The following DNAH11 variants were observed in gnomAD, a reference collection of about 807,000 sequenced individuals.
DNAH11 encodes dynein axonemal heavy chain 11, also known as axonemal beta dynein heavy chain 11.
DNAH11 carries 442 observed loss-of-function variants against 526.0 expected under a neutral mutation model. The ratio of observed to expected loss-of-function variants is 0.84; its 90% confidence interval spans 0.78 to 0.91. The LOEUF is 0.91. Among genes scored for constraint, DNAH11 ranks in the 40% least tolerant of loss-of-function variants. The pLI is 0.00. For missense variants in DNAH11, 6,989 were observed against 5,448.7 expected, an observed-to-expected ratio of 1.28 and a Z score of -8.90; for synonymous variants, 2,461 against 1,935.9, an observed-to-expected ratio of 1.27 and a Z score of -7.12.
chr7:21,862,883 T>C (rs754704970), intron 69 of DNAH11, among the ~76,000 whole-genome samples: 5 of 151,806 alleles, frequency 3.3e-5, no homozygotes, highest in Admixed American at 2.6e-4. Flanking sequence ...GCTAACACAG[T>C]GAAACCCCGG....
rs759954017 is a variant in DNAH11, at chr7:21,683,774, A to C, written c.5461-10A>C. The stretch of plus-strand genomic sequence containing the variant: ...GTGTCCTGCGTATGATGATTATGCA[A>C]TGCCTTTAGGTTGTCAGTCCCCAAG... On this transcript the variant is annotated splice_polypyrimidine_tract_variant and intron_variant, in intron 31 of 81. Transcript: ENST00000409508. The C allele has an allele frequency of 6.3e-7, 1 of 1,584,458 alleles. No individual in the cohort carries two copies. The highest frequency in any genetic ancestry group is 8.6e-7 in the Non-Finnish European group (1 of 1,164,534).
At chr7:21,771,577 G>C (rs1209595214) in intron 55 of DNAH11, among the ~76,000 whole-genome samples, 1 of 152,188 alleles carries the variant, frequency 6.6e-6, no homozygotes. Flanking sequence ...TTATGCGTTG[G>C]AGACAGCATC....
At chr7:21,879,476 A>C (rs543803754) in intron 74 of DNAH11, among the ~76,000 whole-genome samples, 3 of 151,912 alleles carry the variant, frequency 2.0e-5, no homozygotes, top group South Asian at 4.2e-4. Flanking sequence ...CAAAAAAAAA[A>C]CCTCACAGGT....
At chr7:21,675,839 G>C (rs926889785) in intron 30 of DNAH11, among the ~76,000 whole-genome samples, 5 of 152,156 alleles carry the variant, frequency 3.3e-5, no homozygotes, top group African/African-American at 1.2e-4. Flanking sequence ...ATACTCATAA[G>C]TTCCATAAAG....
rs1784667521 is a variant in DNAH11 at position 21,591,232 on chromosome 7, A to G, written c.2322A>G (p.Lys774=). Residue 774 remains lysine (K), a synonymous_variant, in exon 14 of 82, where the codon AAA becomes AAG. Transcript: ENST00000409508. ...DLLVQGYNKL[K]QTLLEVEYPL... ...TTGTGCAAGGGTATAATAAACTCAA[A>G]CAGACGCTCCTGGAAGTTGAATACC... 6.3e-7 allele frequency: 1 copy of G among 1,582,336 alleles called. No homozygotes were observed. Among genetic ancestry groups the G allele is most frequent in the Admixed American group, 1.8e-5 (1 of 54,672 alleles).
chr7:21,672,165 A>G (rs1426572765), intron 30 of DNAH11, among the ~76,000 whole-genome samples: 1 of 152,174 alleles, frequency 6.6e-6, no homozygotes, highest in Non-Finnish European at 1.5e-5. Flanking sequence ...ATGAAACAAG[A>G]GGAACTTCAG....
intron 76 of DNAH11, among the ~76,000 whole-genome samples, chr7:21,890,704 C>T (rs2128046743): frequency 6.6e-6 from 1 of 152,198 alleles, no homozygotes; most frequent in African/African-American, 2.4e-5. Flanking sequence ...TCTCCTGTAC[C>T]ATTTTATTTT....
intron 29 of DNAH11, among the ~76,000 whole-genome samples, 154 bp downstream of exon 29, chr7:21,656,135 A>G (rs538594643): frequency 2.4e-4 from 36 of 152,264 alleles, no homozygotes; most frequent in African/African-American, 8.4e-4. Flanking sequence ...ATCCACTGTG[A>G]CAGAGGGCTC....
chr7:21,584,666 C>T (rs1562679543), intron 9 of DNAH11, among the ~76,000 whole-genome samples: 1 of 152,078 alleles, frequency 6.6e-6, no homozygotes, highest in Admixed American at 6.6e-5. Flanking sequence ...AATGTACAGC[C>T]TGTTGTTATA....
chr7:21,756,166 T>G (rs1431962686), intron 54 of DNAH11, among the ~76,000 whole-genome samples: 1 of 152,122 alleles, frequency 6.6e-6, no homozygotes, highest in African/African-American at 2.4e-5. Context: ...TGAATTTTCT[T>G]TAAATTAATT....
chr7:21,552,021 G>C (rs1222810516), intron 2 of DNAH11, among the ~76,000 whole-genome samples: 1 of 152,202 alleles, frequency 6.6e-6, no homozygotes, highest in Non-Finnish European at 1.5e-5. Flanking sequence ...CAGCAGGGCT[G>C]TGGCAGCACT....
intron 56 of DNAH11, among the ~76,000 whole-genome samples, chr7:21,777,621 G>A (rs1161789401): frequency 2.0e-5 from 3 of 152,188 alleles, no homozygotes; most frequent in Non-Finnish European, 2.9e-5. Context: ...TAATAGGCGT[G>A]TAGTGATATG....
At chr7:21,611,863 A>G (rs1248974182) in intron 20 of DNAH11, among the ~76,000 whole-genome samples, 2 of 152,236 alleles carry the variant, frequency 1.3e-5, no homozygotes, top group East Asian at 3.8e-4. Flanking sequence ...CATTACTAAC[A>G]TAACTCTAGT....
At chr7:21,732,114 C>A (rs569868356) in intron 45 of DNAH11, among the ~76,000 whole-genome samples, 4 of 152,160 alleles carry the variant, frequency 2.6e-5, no homozygotes, top group Non-Finnish European at 5.9e-5. Flanking sequence ...CTAGGGCTGC[C>A]ATAACAAAAT....
chr7:21,753,643 T>C (rs1012162476), intron 54 of DNAH11, among the ~76,000 whole-genome samples: 42 of 152,336 alleles, frequency 2.8e-4, no homozygotes, highest in African/African-American at 9.9e-4. Context: ...GCCATATTAA[T>C]TGTGTCTGTT....
At chr7:21,828,378 C>T (rs1402587950) in intron 65 of DNAH11, among the ~76,000 whole-genome samples, 1 of 152,194 alleles carries the variant, frequency 6.6e-6, no homozygotes, top group African/African-American at 2.4e-5. Context: ...CCAGTCTGTT[C>T]TAATTTCCAA....
chr7:21,646,988 C>G (rs2128462557), intron 28 of DNAH11, among the ~76,000 whole-genome samples: 1 of 152,186 alleles, frequency 6.6e-6, no homozygotes, highest in Non-Finnish European at 1.5e-5. Flanking sequence ...AGAGACAAAT[C>G]AAAACTGACC....
At chr7:21,727,196 G>A (rs1295686308) in intron 45 of DNAH11, among the ~76,000 whole-genome samples, 1 of 151,854 alleles carries the variant, frequency 6.6e-6, no homozygotes, top group African/African-American at 2.4e-5. Flanking sequence ...GCCTCCCAGA[G>A]TGCTGGGATT....
At chr7:21,760,726 G>A (rs1786862274) in intron 54 of DNAH11, among the ~76,000 whole-genome samples, 1 of 152,166 alleles carries the variant, frequency 6.6e-6, no homozygotes, top group Non-Finnish European at 1.5e-5. Flanking sequence ...GAGAGAAGTA[G>A]TTGGCTAAGA....
Sources: gnomAD v4.1 joint callset for allele counts (sites outside exome capture counted in the v4.1 genomes callset) on GRCh38, gnomAD v4.1.1 for gene constraint, MANE v1.5 for transcripts, NCBI Gene and HGNC (gene_info 2026-07-23, HGNC 2026-07-21) for gene names.